Variants in POU6F2 observed in about 807,000 individuals in gnomAD.
The protein encoded by POU6F2 is POU class 6 homeobox 2.
POU6F2 carries 31 observed loss-of-function variants against 71.3 expected under a neutral mutation model. The ratio of observed to expected loss-of-function variants is 0.43; its 90% CI spans 0.33 to 0.59. The LOEUF (loss-of-function observed/expected upper bound fraction) is 0.59, where lower values mean the gene tolerates loss of function less well. Ranked by LOEUF, POU6F2 falls within the 20% of genes least tolerant of loss-of-function variation. The probability of loss-of-function intolerance (pLI) is 0.04; values close to 1 mark genes in which losing one functional copy is unlikely to be tolerated. For missense variants in POU6F2, 783 were observed against 856.8 expected (o/e 0.91, Z 1.07); for synonymous variants, 347 against 355.7 (o/e 0.98, Z 0.27).
At chr7:39,352,853 A>G (rs544904503) in intron 5 of POU6F2, among the ~76,000 whole-genome samples, 1 of 152,168 alleles carries the variant, frequency 6.6e-6, no homozygotes, top group South Asian at 2.1e-4. Flanking sequence ...CACCCAGGTA[A>G]TGAACATAGT....
chr7:39,433,359 A>G, intron 7 of POU6F2, 76 bp downstream of exon 7: 3 of 1,511,260 alleles, frequency 2.0e-6, no homozygotes, highest in South Asian at 1.2e-5. Context: ...GTCTCAATCA[A>G]TGAAAAGTAA....
intron 3 of POU6F2, among the ~76,000 whole-genome samples, chr7:39,205,686 G>A (rs1254066521): frequency 2.6e-5 from 4 of 152,098 alleles, no homozygotes; most frequent in Non-Finnish European, 5.9e-5. Context: ...TTTTTAAAAA[G>A]GGAAGCACAG....
At chr7:39,373,454 TA>T in intron 5 of POU6F2, 1 of 456,698 alleles carries the variant, frequency 2.2e-6, no homozygotes, top group South Asian at 1.5e-5. Flanking sequence ...ATCAAAATCA[TA>T]AATGTTTCTT....
chr7:38,996,506 CAACT>C (rs1788742569), intron 1 of POU6F2, among the ~76,000 whole-genome samples: 1 of 152,062 alleles, frequency 6.6e-6, no homozygotes, highest in Non-Finnish European at 1.5e-5. Flanking sequence ...TTAGTAACTC[CAACT>C]ATTATTTCTA....
At chr7:39,445,016 T>A (rs1372874859) in intron 7 of POU6F2, among the ~76,000 whole-genome samples, 1 of 152,168 alleles carries the variant, frequency 6.6e-6, no homozygotes, top group Admixed American at 6.5e-5. Context: ...GAGACTACCA[T>A]CCATGAAGGC....
chr7:39,147,936 C>T (rs13233049), intron 2 of POU6F2, among the ~76,000 whole-genome samples: 38,267 of 152,144 alleles, frequency 0.25, 5,395 homozygotes, highest in East Asian at 0.55. Flanking sequence ...TGCACACTCT[C>T]CAAATCTTCT....
At chr7:39,345,130 G>A (rs1326235207) in intron 5 of POU6F2, among the ~76,000 whole-genome samples, 1 of 152,108 alleles carries the variant, frequency 6.6e-6, no homozygotes, top group African/African-American at 2.4e-5. Context: ...TGGAGTCTGA[G>A]GCAAAAGAAA....
intron 1 of POU6F2, among the ~76,000 whole-genome samples, chr7:38,978,503 T>G (rs1456401692): frequency 1.3e-5 from 2 of 152,334 alleles, no homozygotes; most frequent in African/African-American, 4.8e-5. Context: ...CCTCTCTCCC[T>G]TTCTCCATAT....
At chr7:39,342,917 C>T (rs1454913030) in intron 5 of POU6F2, among the ~76,000 whole-genome samples, 3 of 152,172 alleles carry the variant, frequency 2.0e-5, no homozygotes, top group African/African-American at 7.2e-5. Flanking sequence ...ATTATCCTTT[C>T]AGAGACGCAC....
intron 4 of POU6F2, among the ~76,000 whole-genome samples, chr7:39,226,545 C>G (rs1794463869): frequency 6.6e-6 from 1 of 152,022 alleles, no homozygotes; most frequent in Non-Finnish European, 1.5e-5. Context: ...TAAGAAAGAC[C>G]CTTTAAAATG....
At position 39,267,363 on chromosome 7, in the gene POU6F2, GAATT is replaced by G. The variant is rs544632334; in HGVS notation, c.598+59748_598+59751del. Among the ~76,000 whole-genome samples the G allele has an allele frequency of 1.7e-3, 256 of 152,222 alleles. 1 individual carries two copies. In the Middle Eastern group the frequency reaches 0.017, roughly 10 times the overall value. On this transcript the variant is annotated intron_variant, in intron 4 of 9. Transcript: ENST00000518318. ...GCACCCCTTATTTTCAATCGTTCAG[GAATT>G]AATTCATTTATGTATTCAATAAATG...
chr7:39,409,302 T>G (rs577715110), intron 6 of POU6F2, among the ~76,000 whole-genome samples: 1 of 152,208 alleles, frequency 6.6e-6, no homozygotes, highest in Non-Finnish European at 1.5e-5. Context: ...GTGGAAAGCA[T>G]GTTTTACTCT....
intron 1 of POU6F2, among the ~76,000 whole-genome samples, chr7:39,036,949 T>C (rs148090601): frequency 1.5e-4 from 23 of 151,984 alleles, no homozygotes; most frequent in African/African-American, 4.1e-4. Context: ...GTTTGTTATA[T>C]AGGTAAATTT....
intron 2 of POU6F2, among the ~76,000 whole-genome samples, chr7:39,087,825 T>G (rs1158457846): frequency 2.6e-5 from 4 of 152,194 alleles, no homozygotes; most frequent in Non-Finnish European, 5.9e-5. Context: ...GAGGGGTGAT[T>G]GATTTTTTTC....
At chr7:39,212,308 A>G (rs1275594406) in intron 4 of POU6F2, among the ~76,000 whole-genome samples, 1 of 152,182 alleles carries the variant, frequency 6.6e-6, no homozygotes, top group Admixed American at 6.5e-5. Context: ...AGTAAAAGCC[A>G]GTAGGGCCTC....
In POU6F2 at chr7:39,100,477, A is replaced by G. The variant is rs542564642; in HGVS notation, c.277+14446A>G. Among the ~76,000 whole-genome samples the G allele has an allele frequency of 8.2e-4, 124 of 151,714 alleles. 1 individual carries two copies. The highest frequency in any genetic ancestry group is 3.4e-3 in the Middle Eastern group (1 of 292). On this transcript the variant is annotated intron_variant, in intron 2 of 9. Coordinates refer to ENST00000518318, the MANE Select transcript of POU6F2 (RefSeq NM_001370959.1). The stretch of plus-strand genomic sequence containing the variant: ...TGTTGTTGTTGTTGTTGCCATGGCA[A>G]CCCCACACATTTTTAATTACATATT...
At chr7:39,016,433 A>G (rs1789550177) in intron 1 of POU6F2, among the ~76,000 whole-genome samples, 1 of 151,812 alleles carries the variant, frequency 6.6e-6, no homozygotes, top group Admixed American at 6.6e-5. Context: ...AGAAAGGAAG[A>G]CACAGTTTCT....
intron 1 of POU6F2, among the ~76,000 whole-genome samples, chr7:39,026,129 G>A (rs1451501734): frequency 6.6e-6 from 1 of 151,922 alleles, no homozygotes; most frequent in Non-Finnish European, 1.5e-5. Flanking sequence ...TGGAGAAATA[G>A]GAACACTTTT....
At chr7:39,207,693 A>T in intron 4 of POU6F2, 73 bp downstream of exon 4, 1 of 1,396,876 alleles carries the variant, frequency 7.2e-7, no homozygotes, top group Non-Finnish European at 9.9e-7. Flanking sequence ...GGCAAAAAAA[A>T]ATGTGCCTAG....
Sources: gnomAD v4.1 joint callset for allele counts (sites outside exome capture counted in the v4.1 genomes callset) on GRCh38, gnomAD v4.1.1 for gene constraint, MANE v1.5 for transcripts, NCBI Gene and HGNC (gene_info 2026-07-23, HGNC 2026-07-21) for gene names.